The following PDGFD variants were observed in gnomAD, a reference collection of about 807,000 sequenced individuals.
PDGFD encodes platelet derived growth factor D, also known as platelet-derived growth factor D.
PDGFD carries 30 observed loss-of-function variants against 44.7 expected under a neutral mutation model. The observed-to-expected ratio is 0.67, with a 90% CI of 0.50 to 0.91. PDGFD has a LOEUF of 0.91. Ranked by LOEUF, PDGFD falls within the 40% of genes least tolerant of loss-of-function variation. The pLI is 0.00. For synonymous variants in PDGFD, 173 were observed against 168.4 expected, an observed-to-expected ratio of 1.03 and a Z score of -0.21; for missense variants, 445 against 457.8, an observed-to-expected ratio of 0.97 and a Z score of 0.25.
Position 103,909,837 on chromosome 11 carries a change from T to A in PDGFD, c.988-18A>T, listed in dbSNP as rs745311532. Reference sequence around the variant, plus strand: ...TGTAATACCTAGGACAAGAAGCACATCTCCTGTTAGAAAGCCTTTGGAGTT... The same window carrying A: ...TGTAATACCTAGGACAAGAAGCACAACTCCTGTTAGAAAGCCTTTGGAGTT... On this transcript the variant is annotated intron_variant, in intron 6 of 6. Coordinates refer to ENST00000393158, the MANE Select transcript of PDGFD (RefSeq NM_025208.5). 2 of 1,613,990 alleles carry A rather than the reference T, an allele frequency of 1.2e-6. No individual in the cohort carries two copies. Among genetic ancestry groups the A allele is most frequent in the Non-Finnish European group, 1.7e-6 (2 of 1,179,906 alleles).
chr11:104,049,553 T>A (rs1186634894), intron 1 of PDGFD, among the ~76,000 whole-genome samples: 2 of 152,104 alleles, frequency 1.3e-5, no homozygotes, highest in Non-Finnish European at 2.9e-5. Flanking sequence ...TTTTGTTTTG[T>A]TTTGTTTTGT....
intron 1 of PDGFD, among the ~76,000 whole-genome samples, chr11:104,071,763 C>T (rs1860880183): frequency 6.6e-6 from 1 of 151,382 alleles, no homozygotes; most frequent in Non-Finnish European, 1.5e-5. Context: ...ATAAGGAAGT[C>T]ACCTATGCTT....
chr11:103,943,354 A>T (rs1162778395), intron 5 of PDGFD, 98 bp downstream of exon 5: 1 of 1,207,500 alleles, frequency 8.3e-7, no homozygotes, highest in African/African-American at 1.5e-5. Context: ...AAAATCCAAA[A>T]GACTTCTGGT....
intron 1 of PDGFD, among the ~76,000 whole-genome samples, chr11:104,007,479 G>A (rs934690572): frequency 6.6e-6 from 1 of 152,168 alleles, no homozygotes; most frequent in Admixed American, 6.5e-5. Flanking sequence ...AGATGCAAAA[G>A]GAAAATAGTT....
intron 3 of PDGFD, among the ~76,000 whole-genome samples, chr11:103,985,406 T>C (rs892187407): frequency 6.6e-6 from 1 of 151,132 alleles, no homozygotes; most frequent in Non-Finnish European, 1.5e-5. Flanking sequence ...TCACTATATA[T>C]GACTAGTTGG....
chr11:103,924,174 A>G (rs2134308427), intron 6 of PDGFD, among the ~76,000 whole-genome samples: 1 of 152,348 alleles, frequency 6.6e-6, no homozygotes, highest in South Asian at 2.1e-4. Flanking sequence ...AAATCAAGCT[A>G]AAAATTCTAT....
chr11:104,119,535 T>TATGTA (rs1861726814), intron 1 of PDGFD, among the ~76,000 whole-genome samples: 1 of 54,272 alleles, frequency 1.8e-5, no homozygotes, highest in South Asian at 6.3e-4. Context: ...ATTGATATAA[T>TATGTA]ATATAATATA....
At chr11:103,961,731 T>C (rs1159602161) in intron 3 of PDGFD, among the ~76,000 whole-genome samples, 1 of 152,140 alleles carries the variant, frequency 6.6e-6, no homozygotes, top group Non-Finnish European at 1.5e-5. Context: ...TTCAAGGTAC[T>C]GGAGAAAAAG....
intron 1 of PDGFD, among the ~76,000 whole-genome samples, chr11:104,124,493 C>G (rs150729087): frequency 6.6e-6 from 1 of 151,974 alleles, no homozygotes; most frequent in African/African-American, 2.4e-5. Context: ...ATCTTCACCA[C>G]GTGTAAATAT....
chr11:103,966,094 A>G (rs778307328), intron 3 of PDGFD, among the ~76,000 whole-genome samples: 12 of 152,190 alleles, frequency 7.9e-5, no homozygotes, highest in Admixed American at 5.2e-4. Context: ...ATAAAAGCCA[A>G]AAACTATTTG....
intron 5 of PDGFD, among the ~76,000 whole-genome samples, chr11:103,930,205 T>C (rs190680832): frequency 6.6e-6 from 1 of 152,302 alleles, no homozygotes; most frequent in Admixed American, 6.5e-5. Flanking sequence ...AAAACTTCCT[T>C]TGGACATACT....
At chr11:104,103,890 T>C (rs1055304054) in intron 1 of PDGFD, among the ~76,000 whole-genome samples, 5 of 152,126 alleles carry the variant, frequency 3.3e-5, no homozygotes, top group African/African-American at 9.7e-5. Flanking sequence ...CTTCTACTTA[T>C]ATTTTTTTTA....
chr11:104,083,791 T>G (rs778249841), intron 1 of PDGFD, among the ~76,000 whole-genome samples: 1 of 152,206 alleles, frequency 6.6e-6, no homozygotes, highest in Non-Finnish European at 1.5e-5. Flanking sequence ...CACTGGCAAG[T>G]CGGTGCATCC....
chr11:104,048,532 G>T (rs1039189606), intron 1 of PDGFD, among the ~76,000 whole-genome samples: 4 of 152,136 alleles, frequency 2.6e-5, no homozygotes, highest in Non-Finnish European at 5.9e-5. Flanking sequence ...CTAATTGAAA[G>T]ATTACCAAAA....
chr11:104,051,965 C>T (rs1860545294), intron 1 of PDGFD, among the ~76,000 whole-genome samples: 2 of 152,246 alleles, frequency 1.3e-5, no homozygotes, highest in South Asian at 2.1e-4. Context: ...AGTTCCAAAA[C>T]ATTTTCATCA....
chr11:103,926,176 G>C (rs776495985), intron 6 of PDGFD, among the ~76,000 whole-genome samples: 3 of 152,124 alleles, frequency 2.0e-5, no homozygotes, highest in Non-Finnish European at 4.4e-5. Context: ...TTAGGGCTCA[G>C]TTTACTCACC....
intron 5 of PDGFD, among the ~76,000 whole-genome samples, chr11:103,939,167 T>C (rs1239983797): frequency 7.2e-5 from 11 of 152,232 alleles, no homozygotes; most frequent in Admixed American, 2.6e-4. Flanking sequence ...TTTCACGATA[T>C]TGATTATTCC....
intron 1 of PDGFD, among the ~76,000 whole-genome samples, chr11:104,071,431 T>C (rs536032537): frequency 7.4e-5 from 11 of 148,934 alleles, no homozygotes; most frequent in Non-Finnish European, 1.5e-4. Flanking sequence ...TTTGAGTGCG[T>C]GTGTGTGTGT....
rs183521626 is a variant in PDGFD, at chr11:103,919,369, A to G, written c.987+7543T>C. ...TATCTGCTGAGTCTGGTTCTTGTTT[A>G]TTGAGAATATAAAAAAAGGCTGTTA... On this transcript the variant is annotated intron_variant, in intron 6 of 6. Coordinates refer to ENST00000393158, the MANE Select transcript of PDGFD (RefSeq NM_025208.5). 1.1e-4 allele frequency among the ~76,000 whole-genome samples: 16 copies of G among 152,326 alleles called. 1 individual carries two copies. In the East Asian group the frequency reaches 3.1e-3, roughly 29 times the overall value.
Sources: allele counts gnomAD v4.1 joint callset (sites outside exome capture counted in the v4.1 genomes callset), GRCh38; gene constraint gnomAD v4.1.1; transcripts MANE v1.5; gene names NCBI Gene and HGNC (gene_info 2026-07-23, HGNC 2026-07-21).